GNA15: variants seen among roughly 807,000 people sequenced by gnomAD.
GNA15 encodes G protein subunit alpha 15, also known as guanine nucleotide-binding protein subunit alpha-15.
GNA15 carries 23 observed loss-of-function variants against 40.1 expected under a neutral mutation model. That is an observed-to-expected ratio of 0.57 (90% CI 0.41 to 0.81). The LOEUF (loss-of-function observed/expected upper bound fraction) is 0.81, where lower values mean the gene tolerates loss of function less well. GNA15 is among the 40% of genes least tolerant of loss of function. The probability of loss-of-function intolerance (pLI) is 0.00; values close to 1 mark genes in which losing one functional copy is unlikely to be tolerated. For missense variants in GNA15, 522 were observed against 515.8 expected, an observed-to-expected ratio of 1.01 and a Z score of -0.12; for synonymous variants, 226 against 210.4, an observed-to-expected ratio of 1.07 and a Z score of -0.64.
intron 1 of GNA15, among the ~76,000 whole-genome samples, chr19:3,138,190 C>G (rs1258474296): frequency 6.6e-6 from 1 of 152,014 alleles, no homozygotes; most frequent in Non-Finnish European, 1.5e-5. Flanking sequence ...CGCTTGAAAC[C>G]AGGAGGTGGA....
At position 3,140,044 on chromosome 19, in the gene GNA15, AATCT is replaced by A. The variant is rs59955919; in HGVS notation, c.145+3488_145+3491del. On this transcript the variant is annotated intron_variant, in intron 1 of 6. Transcript: ENST00000262958. ...GTGAAACTCCATCTCAAAAAAAAAA[AATCT>A]ATCTATCTATCTATCTATCTATCTA... is the stretch of plus-strand genomic sequence containing the variant. Among the ~76,000 whole-genome samples the A allele has an allele frequency of 9.8e-3, 1,219 of 124,086 alleles. 17 individuals carry two copies. Among genetic ancestry groups the A allele is most frequent in the Non-Finnish European group, 0.011 (622 of 56,448 alleles). The allele number at this position is 124,086 out of a possible 152,430, so 81.4% of individuals were successfully genotyped here.
chr19:3,156,825 G>A (rs1307658915), intron 5 of GNA15, among the ~76,000 whole-genome samples: 1 of 152,024 alleles, frequency 6.6e-6, no homozygotes, highest in Admixed American at 6.6e-5. Flanking sequence ...TACACCAGTC[G>A]TCTAGGATCA....
In GNA15 at chr19:3,162,984, C is replaced by A; in HGVS notation, c.1090C>A (p.Leu364Ile). The A allele has an allele frequency of 1.2e-6, 2 of 1,613,592 alleles. No homozygotes were observed. Among genetic ancestry groups the A allele is most frequent in the Middle Eastern group, 3.3e-4 (2 of 6,062 alleles). ...CTTCAAGGACGTGCGGGACTCGGTG[C>A]TCGCCCGCTACCTGGACGAGATCAA... ...KVFKDVRDSV[L>I]ARYLDEINLL Residue 364 changes from leucine to isoleucine, a missense_variant, in exon 7 of 7, where the codon CTC becomes ATC. Leu to Ile is a conservative substitution (Grantham distance 5). Coordinates refer to ENST00000262958, the MANE Select transcript of GNA15 (RefSeq NM_002068.4).
intron 6 of GNA15, among the ~76,000 whole-genome samples, chr19:3,161,089 C>T (rs919876956): frequency 6.6e-5 from 10 of 151,938 alleles, no homozygotes; most frequent in African/African-American, 2.4e-4. Context: ...ACTACAGGCG[C>T]ACACCACCAC....
chr19:3,162,952 G>T lies in GNA15; in HGVS notation c.1058G>T (p.Arg353Leu). The T allele has an allele frequency of 6.2e-7, 1 of 1,614,078 alleles. No individual in the cohort carries two copies. Among genetic ancestry groups the T allele is most frequent in the Non-Finnish European group, 8.5e-7 (1 of 1,179,936 alleles). ...TGTGCCACAGACACACAGAACATCCGCAAGGTCTTCAAGGACGTGCGGGAC... is the reference window on the plus strand; with the variant it reads ...TGTGCCACAGACACACAGAACATCCTCAAGGTCTTCAAGGACGTGCGGGAC... The part of the protein sequence containing the change: ...YTCATDTQNI[R>L]KVFKDVRDSV... Residue 353 changes from arginine to leucine, a missense_variant, in exon 7 of 7, where the codon CGC becomes CTC. Arg to Leu is a moderately radical substitution (Grantham distance 102, BLOSUM62 -2). Coordinates refer to ENST00000262958, the MANE Select transcript of GNA15 (RefSeq NM_002068.4).
chr19:3,137,609 C>T (rs929229949), intron 1 of GNA15, among the ~76,000 whole-genome samples: 2 of 152,040 alleles, frequency 1.3e-5, no homozygotes, highest in African/African-American at 2.4e-5. Flanking sequence ...CGGTGAAACC[C>T]CATCTCTACC....
intron 1 of GNA15, among the ~76,000 whole-genome samples, chr19:3,147,571 AG>A (rs1392650513): frequency 2.7e-5 from 4 of 148,370 alleles, no homozygotes; most frequent in African/African-American, 9.9e-5. Flanking sequence ...AAAAGAAAAA[AG>A]AAAAAAACCC....
At position 3,151,174 on chromosome 19, in the gene GNA15, A is replaced by G. The variant is rs181165770; in HGVS notation, c.486-533A>G. Among the ~76,000 whole-genome samples the G allele has an allele frequency of 1.4e-3, 201 of 139,222 alleles. 2 individuals carry two copies. Among genetic ancestry groups the G allele is most frequent in the African/African-American group, 5.4e-3 (195 of 36,388 alleles). 91.3% of individuals were successfully genotyped at this position (139,222 alleles called of 152,430 possible). On this transcript the variant is annotated intron_variant, in intron 3 of 6. Transcript: ENST00000262958. The surrounding 1 kb of genome is among the most constrained non-coding windows in gnomAD (Gnocchi z 5.0). ...GTTTTAGAAGGGACCCTTTTCTGGG[A>G]GTGACCCTGTTTCTGAGGGGACCCT...
rs1914994826 is a variant in GNA15, at chr19:3,155,678, A to C, written c.615-145A>C. 8 of 897,322 alleles carry C rather than the reference A, an allele frequency of 8.9e-6. No homozygotes were observed. Among genetic ancestry groups the C allele is most frequent in the Non-Finnish European group, 1.4e-5 (8 of 587,782 alleles). The allele number at this position is 897,322 out of a possible 1,614,324, so 55.6% of individuals were successfully genotyped here. A position where few individuals can be genotyped will look rare whatever the true frequency, so the allele number is the denominator to read the frequency against. The stretch of plus-strand genomic sequence containing the variant: ...GTAAGACTCATCCTTGCCTCGCGGG[A>C]ATGACATGGCAAATCCACGAGAGGC... On this transcript the variant is annotated intron_variant, in intron 4 of 6. Transcript: ENST00000262958. This position sits in a 1 kb window ranked among gnomAD's most constrained non-coding sequence, Gnocchi z 5.6.
chr19:3,136,549 G>A lies in GNA15; in HGVS notation c.99G>A (p.Leu33=), dbSNP rs1181511987. The change falls in exon 1 of 7, where the codon TTG becomes TTA. Residue 33 remains leucine (L), a synonymous_variant. Coordinates refer to ENST00000262958, the MANE Select transcript of GNA15 (RefSeq NM_002068.4). The surrounding 1 kb of genome is among the most constrained non-coding windows in gnomAD (Gnocchi z 4.9). ...RVDQEINRIL[L]EQKKQDRGEL... ...ACCAGGAGATCAACAGGATCCTCTT[G>A]GAGCAGAAGAAGCAGGACCGCGGGG... The A allele has an allele frequency of 1.9e-6, 3 of 1,569,728 alleles. No homozygotes were observed. The highest frequency in any genetic ancestry group is 1.7e-6 in the Non-Finnish European group (2 of 1,157,632).
At chr19:3,161,930 G>C (rs1356892774) in intron 6 of GNA15, among the ~76,000 whole-genome samples, 1 of 151,954 alleles carries the variant, frequency 6.6e-6, no homozygotes, top group African/African-American at 2.4e-5. Flanking sequence ...TTACTCGGGA[G>C]GCTGAGGCAG....
At chr19:3,150,758 T>TTCTTGGGGGGAACCCTGA (rs1914862645) in intron 3 of GNA15, among the ~76,000 whole-genome samples, 1 of 151,808 alleles carries the variant, frequency 6.6e-6, no homozygotes, top group Admixed American at 6.6e-5. Flanking sequence ...AGTGACCCTG[T>TTCTTGGGGGGAACCCTGA]TCTTGGGGGG....
At chr19:3,158,419 T>C (rs1915077302) in intron 6 of GNA15, among the ~76,000 whole-genome samples, 1 of 152,104 alleles carries the variant, frequency 6.6e-6, no homozygotes, top group South Asian at 2.1e-4. Flanking sequence ...CCCAAAGTGC[T>C]AGGATTATAG....
chr19:3,139,831 G>A (rs1914535531), intron 1 of GNA15, among the ~76,000 whole-genome samples: 1 of 151,326 alleles, frequency 6.6e-6, no homozygotes, highest in Non-Finnish European at 1.5e-5. Flanking sequence ...GTCAGGAGAT[G>A]GAGACCATCC....
intron 1 of GNA15, among the ~76,000 whole-genome samples, chr19:3,148,000 C>T (rs1008442045): frequency 2.0e-5 from 3 of 152,034 alleles, no homozygotes; most frequent in Non-Finnish European, 2.9e-5. Context: ...CGACCCTTAC[C>T]GTGAGCATTT....
intron 6 of GNA15, among the ~76,000 whole-genome samples, chr19:3,160,802 A>T (rs1412269632): frequency 6.6e-6 from 1 of 152,100 alleles, no homozygotes; most frequent in African/African-American, 2.4e-5. Flanking sequence ...TACAATCCTT[A>T]GCTTGTAGAC....
rs755974998 is a variant in GNA15, at chr19:3,150,202, C to T, written c.402C>T (p.Ala134=). 1 of 1,612,766 alleles carries T rather than the reference C, an allele frequency of 6.2e-7. No individual in the cohort carries two copies. Among genetic ancestry groups the T allele is most frequent in the Non-Finnish European group, 8.5e-7 (1 of 1,179,428 alleles). The change falls in exon 3 of 7, where the codon GCC becomes GCT. Residue 134 remains alanine (A), a synonymous_variant. Coordinates refer to ENST00000262958, the MANE Select transcript of GNA15 (RefSeq NM_002068.4). ...CGTTTGAGAAGCGCTACGCTGCGGC[C>T]ATGCAGTGGCTGTGGAGGGATGCCG... is the stretch of plus-strand genomic sequence containing the variant. ...VTTFEKRYAA[A]MQWLWRDAGI...
rs1483327818 is a variant in GNA15, at chr19:3,147,292, C to T, written c.146-1299C>T. Among the ~76,000 whole-genome samples, 8 of 152,288 alleles carry T rather than the reference C, an allele frequency of 5.3e-5. No individual in the cohort carries two copies. The East Asian group carries it at 1.5e-3, about 29-fold the overall frequency. On this transcript the variant is annotated intron_variant, in intron 1 of 6. Coordinates refer to ENST00000262958, the MANE Select transcript of GNA15 (RefSeq NM_002068.4). ...AATAGGCCAGGCACGGTGGCTCACG[C>T]CTGTAATCCCAGCACTTTGGGAGGC...
At chr19:3,139,764 G>A (rs980360294) in intron 1 of GNA15, among the ~76,000 whole-genome samples, 5 of 151,624 alleles carry the variant, frequency 3.3e-5, no homozygotes, top group African/African-American at 7.3e-5. Context: ...GGCTGGGTGC[G>A]GTGGCTCACG....
Sources: gnomAD v4.1 joint callset for allele counts (sites outside exome capture counted in the v4.1 genomes callset) on GRCh38, gnomAD v4.1.1 for gene constraint, Gnocchi (gnomAD v3.1) non-coding constraint, MANE v1.5 for transcripts, NCBI Gene and HGNC (gene_info 2026-07-23, HGNC 2026-07-21) for gene names.